Variants in FGD4 observed in about 807,000 individuals in gnomAD.
The protein encoded by FGD4 is FYVE, RhoGEF and PH domain containing 4.
In FGD4, 42 loss-of-function variants were observed where a neutral mutation model predicts 102.0. That is an observed-to-expected ratio of 0.41 (90% CI 0.32 to 0.53). The LOEUF is 0.53. FGD4 is among the 20% of genes least tolerant of loss of function. The pLI is 0.21. For synonymous variants in FGD4, 380 were observed against 375.7 expected (o/e 1.01, Z -0.13); for missense variants, 902 against 1,078.2 (o/e 0.84, Z 2.29).
chr12:32,425,120 G>T (rs527774014), intron 1 of FGD4, among the ~76,000 whole-genome samples: 1 of 152,178 alleles, frequency 6.6e-6, no homozygotes, highest in Admixed American at 6.5e-5. Flanking sequence ...CATTGCTTTT[G>T]GTATTTTAGT....
At chr12:32,438,930 A>C (rs1264853469) in intron 1 of FGD4, among the ~76,000 whole-genome samples, 1 of 152,150 alleles carries the variant, frequency 6.6e-6, no homozygotes, top group African/African-American at 2.4e-5. Flanking sequence ...TTAAAATATG[A>C]ATACGTTGTG....
intron 14 of FGD4, among the ~76,000 whole-genome samples, chr12:32,631,474 G>A (rs1465409043): frequency 6.8e-6 from 1 of 146,962 alleles, no homozygotes; most frequent in Non-Finnish European, 1.5e-5. Flanking sequence ...CAGTACTTTT[G>A]TGATTAAAAT....
At chr12:32,569,199 C>A (rs537467388) in intron 2 of FGD4, among the ~76,000 whole-genome samples, 1 of 152,142 alleles carries the variant, frequency 6.6e-6, no homozygotes, top group Non-Finnish European at 1.5e-5. Context: ...TGATCTCTTG[C>A]CTGAATTTCT....
At chr12:32,413,461 T>C (rs988931375) in intron 1 of FGD4, among the ~76,000 whole-genome samples, 24 of 152,224 alleles carry the variant, frequency 1.6e-4, no homozygotes, top group Non-Finnish European at 3.2e-4. Context: ...TTAGCAGTAT[T>C]GGTAATTTTC....
intron 1 of FGD4, among the ~76,000 whole-genome samples, chr12:32,480,716 C>G (rs10771957): frequency 1 from 150,933 of 151,550 alleles, 75,162 homozygotes; most frequent in Middle Eastern, 1. Flanking sequence ...GGCCAGGATG[C>G]TCTTGCTCTC....
chr12:32,501,075 G>T, intron 1 of FGD4, among the ~76,000 whole-genome samples: 1 of 152,306 alleles, frequency 6.6e-6, no homozygotes, highest in South Asian at 2.1e-4. Context: ...TCTGCCTAGA[G>T]AGCTCAGGGA....
intron 16 of FGD4, 68 bp downstream of exon 16, chr12:32,638,863 G>T: frequency 6.2e-7 from 1 of 1,608,552 alleles, no homozygotes; most frequent in Non-Finnish European, 8.5e-7. Flanking sequence ...GTGGACAGCG[G>T]ACTCAAAATC....
At position 32,498,061 on chromosome 12, in the gene FGD4, A is replaced by G. The variant is rs528584048; in HGVS notation, c.167-66076A>G. 2.6e-4 allele frequency among the ~76,000 whole-genome samples: 40 copies of G among 152,298 alleles called. No homozygotes were observed. The South Asian group carries it at 8.3e-3, about 32-fold the overall frequency. On this transcript the variant is annotated intron_variant, in intron 1 of 16. Coordinates refer to ENST00000534526, the MANE Select transcript of FGD4 (RefSeq NM_001370298.3). ...ACAGAGTAAATGGCTTGCCTGTGTC[A>G]TAGGGCTGGCTAAACAGGAACTAGA...
In FGD4 at chr12:32,641,253, T is replaced by C. The variant is rs1029901625; in HGVS notation, c.*720T>C. Reference sequence around the variant, plus strand: ...TTTATCGTGGAATTGAGCAATGTTCTAAACTGAAGAAATGTTTTGGTGATT... The same window carrying C: ...TTTATCGTGGAATTGAGCAATGTTCCAAACTGAAGAAATGTTTTGGTGATT... On this transcript the variant is annotated 3_prime_UTR_variant, in exon 17 of 17. Coordinates refer to ENST00000534526, the MANE Select transcript of FGD4 (RefSeq NM_001370298.3). 5 of 152,198 alleles carry C rather than the reference T, an allele frequency of 3.3e-5. No individual in the cohort carries two copies. The highest frequency in any genetic ancestry group is 6.6e-5 in the Admixed American group (1 of 15,264). 9.4% of individuals were successfully genotyped at this position (152,198 alleles called of 1,614,324 possible). A position where few individuals can be genotyped will look rare whatever the true frequency, so the allele number is the denominator to read the frequency against.
At chr12:32,555,732 C>G (rs922493363) in intron 1 of FGD4, among the ~76,000 whole-genome samples, 3 of 151,910 alleles carry the variant, frequency 2.0e-5, no homozygotes, top group African/African-American at 7.3e-5. Context: ...CCACCACGCC[C>G]GGCTAATTTT....
In FGD4 at chr12:32,506,183, T is replaced by C. The variant is rs953714107; in HGVS notation, c.167-57954T>C. 6.6e-6 allele frequency among the ~76,000 whole-genome samples: 1 copy of C among 152,176 alleles called. No individual in the cohort carries two copies. The highest frequency in any genetic ancestry group is 2.4e-5 in the African/African-American group (1 of 41,440). On this transcript the variant is annotated intron_variant, in intron 1 of 16. Coordinates refer to ENST00000534526, the MANE Select transcript of FGD4 (RefSeq NM_001370298.3). The surrounding 1 kb of genome is among the most constrained non-coding windows in gnomAD (Gnocchi z 4.5). ...TGTTGTCTTTAAGAGGAGCACAACA[T>C]TGGGGTGTTACCCTAAAATCCCACA...
Position 32,461,648 on chromosome 12 carries a change from G to A in FGD4, c.166+61689G>A, listed in dbSNP as rs144127966. The stretch of plus-strand genomic sequence containing the variant: ...AATGTTGTACATTTTAAAAATATAA[G>A]TCTCTGCTGTGCTCTGTTCCCACAG... On this transcript the variant is annotated intron_variant, in intron 1 of 16. Coordinates refer to ENST00000534526, the MANE Select transcript of FGD4 (RefSeq NM_001370298.3). 2.9e-3 allele frequency among the ~76,000 whole-genome samples: 436 copies of A among 152,240 alleles called. 1 individual carries two copies. Among genetic ancestry groups the A allele is most frequent in the Middle Eastern group, 0.024 (7 of 294 alleles).
intron 1 of FGD4, among the ~76,000 whole-genome samples, chr12:32,516,310 T>G (rs1450234964): frequency 6.6e-6 from 1 of 151,858 alleles, no homozygotes; most frequent in Non-Finnish European, 1.5e-5. Context: ...CCTGGCTAAT[T>G]TTTTAATTTT....
chr12:32,601,528 A>T (rs1400246431), intron 6 of FGD4, 105 bp downstream of exon 6: 1 of 1,366,248 alleles, frequency 7.3e-7, no homozygotes, highest in South Asian at 1.5e-5. Context: ...CTAGACATTT[A>T]TGCTAAATTT....
chr12:32,457,194 A>G (rs553898226), intron 1 of FGD4, among the ~76,000 whole-genome samples: 85 of 151,596 alleles, frequency 5.6e-4, no homozygotes, highest in Admixed American at 1.1e-3. Context: ...CATAATTTCT[A>G]CCAAGAAAAA....
chr12:32,459,394 A>G (rs1450449422), intron 1 of FGD4, among the ~76,000 whole-genome samples: 5 of 151,998 alleles, frequency 3.3e-5, no homozygotes, highest in South Asian at 4.2e-4. Context: ...GGGTCTTGCC[A>G]TGTTGGCCAG....
rs549116110 is a variant in FGD4, at chr12:32,558,060, G to C, written c.167-6077G>C. Among the ~76,000 whole-genome samples, 12 of 152,234 alleles carry C rather than the reference G, an allele frequency of 7.9e-5. No homozygotes were observed. The East Asian group carries it at 2.1e-3, about 27-fold the overall frequency. On this transcript the variant is annotated intron_variant, in intron 1 of 16. Coordinates refer to ENST00000534526, the MANE Select transcript of FGD4 (RefSeq NM_001370298.3). ...AGTGAGATGGGTGCATTGCCTCTGTGATATTCTTACCCCAAACCCATAACC... is the reference window on the plus strand; with the variant it reads ...AGTGAGATGGGTGCATTGCCTCTGTCATATTCTTACCCCAAACCCATAACC...
At chr12:32,476,120 C>G (rs1029382753) in intron 1 of FGD4, among the ~76,000 whole-genome samples, 1 of 152,058 alleles carries the variant, frequency 6.6e-6, no homozygotes, top group Admixed American at 6.5e-5. Flanking sequence ...GCTGCTTTTT[C>G]TTAGGTCTCC....
Position 32,562,811 on chromosome 12 carries a change from T to C in FGD4, c.167-1326T>C, listed in dbSNP as rs1036392752. ...AAAATGAAAAGTCTCCCATGTCTACTTCTTTCTACACAGACACGGCAACCA... is the reference window on the plus strand; with the variant it reads ...AAAATGAAAAGTCTCCCATGTCTACCTCTTTCTACACAGACACGGCAACCA... On this transcript the variant is annotated intron_variant, in intron 1 of 16. Coordinates refer to ENST00000534526, the MANE Select transcript of FGD4 (RefSeq NM_001370298.3). 4.5e-3 allele frequency among the ~76,000 whole-genome samples: 474 copies of C among 104,306 alleles called. 4 individuals carry two copies. The highest frequency in any genetic ancestry group is 0.014 in the African/African-American group (451 of 31,776). The allele number at this position is 104,306 out of a possible 152,430, so 68.4% of individuals were successfully genotyped here.
Sources: gnomAD v4.1 joint callset for allele counts (sites outside exome capture counted in the v4.1 genomes callset) on GRCh38, gnomAD v4.1.1 for gene constraint, Gnocchi (gnomAD v3.1) non-coding constraint, MANE v1.5 for transcripts, NCBI Gene and HGNC (gene_info 2026-07-23, HGNC 2026-07-21) for gene names.